Variants in MAPKAPK2 observed in about 807,000 individuals in gnomAD.
MAPKAPK2 encodes MAP kinase-activated protein kinase 2.
MAPKAPK2 carries 9 observed loss-of-function variants against 48.8 expected under a neutral mutation model. The ratio of observed to expected loss-of-function variants is 0.18; its 90% CI spans 0.11 to 0.32. The LOEUF is 0.32. Among genes scored for constraint, MAPKAPK2 ranks in the 10% least tolerant of loss-of-function variants. MAPKAPK2 has a pLI of 1.00. For synonymous variants in MAPKAPK2, 202 were observed against 190.6 expected (o/e 1.06, Z -0.49); for missense variants, 331 against 498.3 (o/e 0.66, Z 3.20).
rs562690520 is a variant in MAPKAPK2, at chr1:206,722,843, C to T, written c.280-5867C>T. On this transcript the variant is annotated intron_variant, in intron 1 of 9. Coordinates refer to ENST00000367103, the MANE Select transcript of MAPKAPK2 (RefSeq NM_032960.4). ...TTTCCTTTACACCCCTCAGAGCACC[C>T]GGGCCAGCCATCCTCCATGTGGTGC... 6.6e-5 allele frequency among the ~76,000 whole-genome samples: 10 copies of T among 152,342 alleles called. No homozygotes were observed. The South Asian group carries it at 1.0e-3, about 16-fold the overall frequency.
At chr1:206,715,982 AC>A (rs1553430304) in intron 1 of MAPKAPK2, among the ~76,000 whole-genome samples, 1 of 150,750 alleles carries the variant, frequency 6.6e-6, no homozygotes, top group African/African-American at 2.4e-5. Flanking sequence ...TCTAGGCTAA[AC>A]AACTGTTTTT....
rs1450880478 is a variant in MAPKAPK2, at chr1:206,732,288, G to C, written c.1060-287G>C. 1.4e-6 allele frequency: 2 copies of C among 1,448,840 alleles called. No individual in the cohort carries two copies. Among genetic ancestry groups the C allele is most frequent in the African/African-American group, 2.9e-5 (2 of 69,938 alleles). 89.7% of individuals were successfully genotyped at this position (1,448,840 alleles called of 1,614,324 possible). A position where few individuals can be genotyped will look rare whatever the true frequency, so the allele number is the denominator to read the frequency against. ...ACTGGTTGGGGCAGACCGGACCCAG[G>C]TTTCCTGACTCCTGGCCCAAGTCTC... On this transcript the variant is annotated intron_variant, in intron 9 of 9. Transcript: ENST00000367103. This position sits in a 1 kb window ranked among gnomAD's most constrained non-coding sequence, Gnocchi z 4.4.
At chr1:206,694,422 G>A (rs1553426713) in intron 1 of MAPKAPK2, among the ~76,000 whole-genome samples, 1 of 152,222 alleles carries the variant, frequency 6.6e-6, no homozygotes, top group Non-Finnish European at 1.5e-5. Flanking sequence ...ATTGGCCTGT[G>A]CAGAGGAAGA....
intron 1 of MAPKAPK2, among the ~76,000 whole-genome samples, chr1:206,702,751 G>T (rs1234174253): frequency 2.0e-5 from 3 of 152,334 alleles, no homozygotes; most frequent in South Asian, 4.1e-4. Context: ...GGTTTGTCCT[G>T]CCTTCCACAC....
intron 1 of MAPKAPK2, among the ~76,000 whole-genome samples, chr1:206,694,987 C>G (rs1672570645): frequency 6.6e-6 from 1 of 152,324 alleles, no homozygotes; most frequent in South Asian, 2.1e-4. Context: ...AGCATCATGT[C>G]CTTTCCAGCA....
chr1:206,697,668 G>A (rs1265105510), intron 1 of MAPKAPK2, among the ~76,000 whole-genome samples: 9 of 152,116 alleles, frequency 5.9e-5, no homozygotes, highest in Admixed American at 5.2e-4. Context: ...TCTCCCACCG[G>A]GCCCCACCTC....
chr1:206,718,432 T>A (rs1673404420), intron 1 of MAPKAPK2, among the ~76,000 whole-genome samples: 1 of 149,692 alleles, frequency 6.7e-6, no homozygotes, highest in African/African-American at 2.5e-5. Context: ...CTTGGGAGGC[T>A]GAGGCAGGAG....
intron 1 of MAPKAPK2, among the ~76,000 whole-genome samples, chr1:206,701,317 C>T (rs1672785209): frequency 6.6e-6 from 1 of 152,140 alleles, no homozygotes; most frequent in South Asian, 2.1e-4. Flanking sequence ...ATTTTAAGTG[C>T]TCAGTGGTTA....
intron 1 of MAPKAPK2, among the ~76,000 whole-genome samples, chr1:206,701,429 G>C (rs1672790481): frequency 6.6e-6 from 1 of 152,080 alleles, no homozygotes; most frequent in African/African-American, 2.4e-5. Flanking sequence ...TTCTAATCCT[G>C]GTAGACACTT....
chr1:206,700,895 T>G (rs1227539114), intron 1 of MAPKAPK2, among the ~76,000 whole-genome samples: 1 of 152,124 alleles, frequency 6.6e-6, no homozygotes, highest in Non-Finnish European at 1.5e-5. Context: ...TGGCACCAGG[T>G]GTCAGGCCCT....
intron 1 of MAPKAPK2, among the ~76,000 whole-genome samples, chr1:206,723,479 G>T (rs145208782): frequency 8.2e-4 from 125 of 152,314 alleles, no homozygotes; most frequent in Non-Finnish European, 1.5e-3. Flanking sequence ...CAAAGGGGTT[G>T]GAAACTTTTC....
chr1:206,711,984 A>G (rs782576864), intron 1 of MAPKAPK2, among the ~76,000 whole-genome samples: 7 of 145,778 alleles, frequency 4.8e-5, no homozygotes, highest in Non-Finnish European at 7.6e-5. Context: ...AAATAATGCT[A>G]AAGTGAATAT....
intron 4 of MAPKAPK2, 53 bp downstream of exon 4, chr1:206,729,528 G>T: frequency 2.0e-6 from 3 of 1,486,822 alleles, no homozygotes; most frequent in Non-Finnish European, 2.8e-6. Context: ...CAACAAAGGG[G>T]CTGTGGCCAC....
At chr1:206,726,540 A>T (rs1256522074) in intron 1 of MAPKAPK2, among the ~76,000 whole-genome samples, 6 of 152,208 alleles carry the variant, frequency 3.9e-5, no homozygotes, top group African/African-American at 1.4e-4. Flanking sequence ...GGAGAGACCG[A>T]GTTATCTAGT....
At chr1:206,687,803 C>T (rs1303068196) in intron 1 of MAPKAPK2, among the ~76,000 whole-genome samples, 1 of 152,150 alleles carries the variant, frequency 6.6e-6, no homozygotes, top group African/African-American at 2.4e-5. Flanking sequence ...GAGGGATTAC[C>T]CCCTTGGGAA....
chr1:206,717,657 G>T (rs1673378056), intron 1 of MAPKAPK2, among the ~76,000 whole-genome samples: 3 of 152,172 alleles, frequency 2.0e-5, no homozygotes, highest in Non-Finnish European at 4.4e-5. Flanking sequence ...CCTGTGGCCA[G>T]TGTGAAATTT....
intron 1 of MAPKAPK2, among the ~76,000 whole-genome samples, chr1:206,687,596 C>CCAT (rs1672325747): frequency 6.6e-6 from 1 of 152,216 alleles, no homozygotes; most frequent in African/African-American, 2.4e-5. Context: ...AACAGCACTT[C>CCAT]CATATCCAAA....
At position 206,726,762 on chromosome 1, in the gene MAPKAPK2, C is replaced by A. The variant is rs1294776350; in HGVS notation, c.280-1948C>A. Among the ~76,000 whole-genome samples the A allele has an allele frequency of 2.6e-5, 4 of 152,246 alleles. No homozygotes were observed. In the South Asian group the frequency reaches 8.3e-4, roughly 31 times the overall value. On this transcript the variant is annotated intron_variant, in intron 1 of 9. Coordinates refer to ENST00000367103, the MANE Select transcript of MAPKAPK2 (RefSeq NM_032960.4). ...TTCTCTGAGCCTCAGCTTCCCCATC[C>A]TGTAAAATGGCAAATGTACAGTTAG...
intron 1 of MAPKAPK2, among the ~76,000 whole-genome samples, chr1:206,709,990 C>T (rs782026824): frequency 6.6e-6 from 1 of 152,048 alleles, no homozygotes; most frequent in African/African-American, 2.4e-5. Context: ...GCTTAGTCAC[C>T]GAGAAAAAAT....
Sources: gnomAD v4.1 joint callset for allele counts (sites outside exome capture counted in the v4.1 genomes callset) on GRCh38, gnomAD v4.1.1 for gene constraint, Gnocchi (gnomAD v3.1) non-coding constraint, MANE v1.5 for transcripts, NCBI Gene and HGNC (gene_info 2026-07-23, HGNC 2026-07-21) for gene names.